The following EPHA5 variants were observed in gnomAD, a reference collection of about 807,000 sequenced individuals.
EPHA5 encodes ephrin type-A receptor 5.
EPHA5 carries 60 observed loss-of-function variants against 105.0 expected under a neutral mutation model. The ratio of observed to expected loss-of-function variants is 0.57; its 90% CI spans 0.46 to 0.71. The LOEUF (loss-of-function observed/expected upper bound fraction) is 0.71. Ranked by LOEUF, EPHA5 falls within the 30% of genes least tolerant of loss-of-function variation. The pLI, the probability that EPHA5 is intolerant of heterozygous loss-of-function variation, is 0.00. For synonymous variants in EPHA5, 513 were observed against 449.1 expected (o/e 1.14, Z -1.80); for missense variants, 1,218 against 1,274.7 (o/e 0.96, Z 0.68).
intron 14 of EPHA5, among the ~76,000 whole-genome samples, chr4:65,342,396 C>T (rs888863227): frequency 3.3e-5 from 5 of 152,034 alleles, no homozygotes; most frequent in African/African-American, 1.2e-4. Context: ...AATTCGCTTA[C>T]TGTCAAATCT....
intron 3 of EPHA5, among the ~76,000 whole-genome samples, chr4:65,546,371 AAT>A (rs1737370785): frequency 6.6e-6 from 1 of 151,996 alleles, no homozygotes; most frequent in Non-Finnish European, 1.5e-5. Context: ...GTCCAGAAAA[AAT>A]ATGTTAATAT....
chr4:65,652,831 CAAAA>C (rs936794172), intron 1 of EPHA5, among the ~76,000 whole-genome samples: 2 of 151,898 alleles, frequency 1.3e-5, no homozygotes, highest in Non-Finnish European at 2.9e-5. Context: ...ATCAAATTTT[CAAAA>C]ATAAGTTACA....
chr4:65,439,691 G>A lies in EPHA5; in HGVS notation c.1403-19126C>T, dbSNP rs371125532. Among the ~76,000 whole-genome samples the A allele has an allele frequency of 3.1e-3, 466 of 152,142 alleles. 5 individuals are homozygous for A. The highest frequency in any genetic ancestry group is 0.011 in the African/African-American group (439 of 41,522). On this transcript the variant is annotated intron_variant, in intron 5 of 16. Coordinates refer to ENST00000613740, the MANE Select transcript of EPHA5 (RefSeq NM_001281766.3). ...TTGTCTTCTTAGGAGTTTGAACTGA[G>A]AATTCATGATCTCTATCAAAAACTA... is the stretch of plus-strand genomic sequence containing the variant.
At chr4:65,376,302 T>C (rs1718997420) in intron 8 of EPHA5, among the ~76,000 whole-genome samples, 1 of 152,062 alleles carries the variant, frequency 6.6e-6, no homozygotes, top group Non-Finnish European at 1.5e-5. Context: ...TATTTCACTT[T>C]TCACAAAGTA....
intron 8 of EPHA5, chr4:65,376,969 T>C (rs370703193): frequency 4.4e-6 from 7 of 1,584,274 alleles, no homozygotes; most frequent in African/African-American, 2.7e-5. Context: ...GGACATCACA[T>C]AGGAGTGAAA....
At chr4:65,545,326 A>G (rs1320360713) in intron 3 of EPHA5, among the ~76,000 whole-genome samples, 3 of 151,948 alleles carry the variant, frequency 2.0e-5, no homozygotes, top group Admixed American at 6.6e-5. Context: ...AGATTTAGTA[A>G]CCTCCAAACA....
chr4:65,518,985 T>C (rs896732744), intron 3 of EPHA5, among the ~76,000 whole-genome samples: 6 of 152,058 alleles, frequency 3.9e-5, no homozygotes, highest in Non-Finnish European at 7.3e-5. Context: ...ATCATCCTGA[T>C]ACCAAAGCCT....
At chr4:65,429,474 C>T (rs1005585164) in intron 5 of EPHA5, among the ~76,000 whole-genome samples, 2 of 151,954 alleles carry the variant, frequency 1.3e-5, no homozygotes, top group African/African-American at 4.8e-5. Context: ...CTAACAGTAA[C>T]AAGGCCATAA....
At chr4:65,581,728 G>C (rs1741645490) in intron 3 of EPHA5, among the ~76,000 whole-genome samples, 1 of 151,660 alleles carries the variant, frequency 6.6e-6, no homozygotes, top group African/African-American at 2.4e-5. Context: ...ATAAAATATA[G>C]GCTTGAACTA....
At chr4:65,592,650 G>A (rs980587947) in intron 3 of EPHA5, among the ~76,000 whole-genome samples, 3 of 152,186 alleles carry the variant, frequency 2.0e-5, no homozygotes, top group African/African-American at 7.2e-5. Flanking sequence ...CCTTCTCTGG[G>A]TGAGGTTTCG....
chr4:65,483,634 C>A (rs1431702110), intron 5 of EPHA5, among the ~76,000 whole-genome samples: 4 of 151,864 alleles, frequency 2.6e-5, no homozygotes, highest in Non-Finnish European at 5.9e-5. Context: ...CAGACTATCA[C>A]CAAAAAAAAT....
At chr4:65,532,071 A>G (rs1049212924) in intron 3 of EPHA5, among the ~76,000 whole-genome samples, 5 of 152,150 alleles carry the variant, frequency 3.3e-5, no homozygotes, top group Non-Finnish European at 5.9e-5. Context: ...AATTAAGTAC[A>G]CTAGGCAGGA....
At chr4:65,512,962 C>A (rs1578299217) in intron 3 of EPHA5, among the ~76,000 whole-genome samples, 1 of 152,154 alleles carries the variant, frequency 6.6e-6, no homozygotes, top group East Asian at 1.9e-4. Context: ...TGCGTGATGG[C>A]TTTACTAGAA....
intron 3 of EPHA5, among the ~76,000 whole-genome samples, chr4:65,588,713 T>C (rs989847234): frequency 6.6e-6 from 1 of 152,170 alleles, no homozygotes; most frequent in African/African-American, 2.4e-5. Flanking sequence ...ATTTCTCCTT[T>C]AAATTGAAAT....
intron 5 of EPHA5, among the ~76,000 whole-genome samples, chr4:65,427,748 T>C (rs1346830067): frequency 6.6e-6 from 1 of 152,208 alleles, no homozygotes; most frequent in African/African-American, 2.4e-5. Context: ...AATTTATCTT[T>C]GGTTTATATT....
chr4:65,640,544 C>A lies in EPHA5; in HGVS notation c.246+2819G>T, dbSNP rs894010467. Among the ~76,000 whole-genome samples, 4 of 152,112 alleles carry A rather than the reference C, an allele frequency of 2.6e-5. No individual in the cohort carries two copies. The South Asian group carries it at 8.3e-4, about 31-fold the overall frequency. On this transcript the variant is annotated intron_variant, in intron 2 of 16. Transcript: ENST00000613740. ...CTCGTGATCCACCCGCCTCGGCCTC[C>A]CAAAGTGCTGGGATTACAGGCGTGA...
At chr4:65,558,040 C>T (rs904719435) in intron 3 of EPHA5, among the ~76,000 whole-genome samples, 2 of 152,008 alleles carry the variant, frequency 1.3e-5, no homozygotes, top group Non-Finnish European at 2.9e-5. Context: ...CCACACCCAG[C>T]TAACTTTTGT....
At chr4:65,609,601 A>C (rs1345993647) in intron 2 of EPHA5, among the ~76,000 whole-genome samples, 1 of 132,712 alleles carries the variant, frequency 7.5e-6, no homozygotes, top group African/African-American at 2.6e-5. Flanking sequence ...TGTGAATGGC[A>C]AGCTAGATAT....
At position 65,669,596 on chromosome 4, in the gene EPHA5, T is replaced by G; in HGVS notation, c.147A>C (p.Ala49=). 7.0e-7 allele frequency: 1 copy of G among 1,430,774 alleles called. No homozygotes were observed. The highest frequency in any genetic ancestry group is 9.2e-7 in the Non-Finnish European group (1 of 1,087,290). The allele number at this position is 1,430,774 out of a possible 1,614,324, so 88.6% of individuals were successfully genotyped here. The part of the protein sequence containing the change: ...PLWTCLLLCA[A]LRTLLASPSN... The stretch of plus-strand genomic sequence containing the variant: ...TGGGGCTGGCCAGGAGGGTCCGGAG[T>G]GCGGCGCACAGGAGAAGGCACGTCC... Residue 49 remains alanine, a synonymous_variant, in exon 1 of 17, where the codon GCA becomes GCC. Coordinates refer to ENST00000613740, the MANE Select transcript of EPHA5 (RefSeq NM_001281766.3).
Sources: gnomAD v4.1 joint callset for allele counts (sites outside exome capture counted in the v4.1 genomes callset) on GRCh38, gnomAD v4.1.1 for gene constraint, MANE v1.5 for transcripts, NCBI Gene and HGNC (gene_info 2026-07-23, HGNC 2026-07-21) for gene names.